Variants in CADM2 observed in about 807,000 individuals in gnomAD.
CADM2 encodes cell adhesion molecule 2.
A neutral mutation model predicts 49.8 loss-of-function variants in CADM2; 12 were observed. The ratio of observed to expected loss-of-function variants is 0.24; its 90% CI spans 0.15 to 0.39. The LOEUF (loss-of-function observed/expected upper bound fraction) is 0.39. Ranked by LOEUF, CADM2 falls within the 10% of genes least tolerant of loss-of-function variation. CADM2 has a pLI of 1.00. For synonymous variants in CADM2, 214 were observed against 175.4 expected (o/e 1.22, Z -1.74); for missense variants, 378 against 492.3 (o/e 0.77, Z 2.20).
intron 1 of CADM2, among the ~76,000 whole-genome samples, chr3:85,622,235 T>A (rs558314958): frequency 3.0e-4 from 46 of 152,284 alleles, no homozygotes; most frequent in Non-Finnish European, 5.6e-4. Flanking sequence ...TATAGCTTAA[T>A]ATGTCAGCAA....
At chr3:85,179,651 T>C (rs909705395) in intron 1 of CADM2, among the ~76,000 whole-genome samples, 1 of 152,118 alleles carries the variant, frequency 6.6e-6, no homozygotes, top group African/African-American at 2.4e-5. Context: ...TGAGGAAGTA[T>C]CTATTTCAAA....
intron 1 of CADM2, among the ~76,000 whole-genome samples, chr3:85,059,607 G>T (rs899479747): frequency 6.6e-6 from 1 of 152,102 alleles, no homozygotes; most frequent in Non-Finnish European, 1.5e-5. Context: ...GGAACCCGGT[G>T]GGAGGTGATT....
intron 1 of CADM2, among the ~76,000 whole-genome samples, chr3:85,532,619 G>T (rs1169386887): frequency 6.6e-6 from 1 of 152,034 alleles, no homozygotes; most frequent in Non-Finnish European, 1.5e-5. Flanking sequence ...TATTTCATTG[G>T]CTCTTCTAGC....
chr3:85,290,711 A>G (rs2043767222), intron 1 of CADM2, among the ~76,000 whole-genome samples: 1 of 152,116 alleles, frequency 6.6e-6, no homozygotes, highest in Non-Finnish European at 1.5e-5. Flanking sequence ...ACTCCAACAG[A>G]CCTGCAGCTG....
chr3:85,644,506 A>G (rs948501408), intron 1 of CADM2, among the ~76,000 whole-genome samples: 1 of 152,150 alleles, frequency 6.6e-6, no homozygotes, highest in East Asian at 1.9e-4. Context: ...ATGATAAAAG[A>G]GAAGAGAACT....
chr3:84,978,198 T>C (rs975447053), intron 1 of CADM2, among the ~76,000 whole-genome samples: 1 of 152,158 alleles, frequency 6.6e-6, no homozygotes, highest in African/African-American at 2.4e-5. Context: ...ATTTCTTTCT[T>C]GTTAACGTGT....
intron 1 of CADM2, among the ~76,000 whole-genome samples, chr3:85,382,920 C>A (rs761390008): frequency 2.6e-5 from 4 of 152,120 alleles, no homozygotes; most frequent in Non-Finnish European, 4.4e-5. Context: ...TAAATATGGC[C>A]TGAGAAAGCC....
intron 1 of CADM2, among the ~76,000 whole-genome samples, chr3:85,679,418 A>G (rs1452136904): frequency 6.6e-6 from 1 of 152,120 alleles, no homozygotes; most frequent in Non-Finnish European, 1.5e-5. Context: ...TGTCTTATGT[A>G]TATAAGTCTT....
At chr3:85,708,896 A>T (rs984422830) in intron 1 of CADM2, among the ~76,000 whole-genome samples, 8 of 151,660 alleles carry the variant, frequency 5.3e-5, no homozygotes, top group Non-Finnish European at 8.8e-5. Context: ...AGTTCAGATT[A>T]TGGGTTTGTT....
intron 1 of CADM2, among the ~76,000 whole-genome samples, chr3:85,033,812 G>T (rs2035091063): frequency 6.6e-6 from 1 of 152,160 alleles, no homozygotes; most frequent in Non-Finnish European, 1.5e-5. Context: ...TGGCCTAAGT[G>T]ATTAGGAATC....
At chr3:85,691,890 C>G (rs983526856) in intron 1 of CADM2, among the ~76,000 whole-genome samples, 3 of 152,056 alleles carry the variant, frequency 2.0e-5, no homozygotes, top group African/African-American at 7.2e-5. Flanking sequence ...AAACCAAACA[C>G]CGCATGTTCT....
At chr3:85,948,113 G>A (rs1722962343) in intron 7 of CADM2, among the ~76,000 whole-genome samples, 1 of 151,308 alleles carries the variant, frequency 6.6e-6, no homozygotes, top group Non-Finnish European at 1.5e-5. Flanking sequence ...ATTAATTTTT[G>A]AGATTACATT....
intron 2 of CADM2, among the ~76,000 whole-genome samples, chr3:85,741,358 T>C (rs1286575363): frequency 2.0e-5 from 3 of 152,054 alleles, no homozygotes; most frequent in Non-Finnish European, 2.9e-5. Context: ...CAATGACATG[T>C]TATTTAGTTG....
chr3:85,547,169 G>A (rs1342284053), intron 1 of CADM2, among the ~76,000 whole-genome samples: 1 of 151,804 alleles, frequency 6.6e-6, no homozygotes, highest in Non-Finnish European at 1.5e-5. Flanking sequence ...AATTTCATTT[G>A]AAAACTGCAT....
chr3:86,040,549 A>C (rs1431682630), intron 8 of CADM2, among the ~76,000 whole-genome samples: 4 of 152,170 alleles, frequency 2.6e-5, no homozygotes, highest in African/African-American at 9.7e-5. Flanking sequence ...AATAAAAGAA[A>C]CCAACAAAGC....
intron 1 of CADM2, among the ~76,000 whole-genome samples, chr3:85,042,215 G>T (rs777737119): frequency 2.0e-5 from 3 of 152,082 alleles, no homozygotes; most frequent in Non-Finnish European, 4.4e-5. Context: ...GAGAGTGAGC[G>T]CCCATTAATT....
At chr3:85,768,682 T>C (rs1577263021) in intron 2 of CADM2, among the ~76,000 whole-genome samples, 1 of 146,324 alleles carries the variant, frequency 6.8e-6, no homozygotes, top group South Asian at 2.1e-4. Context: ...AATATATATA[T>C]ACACATATAT....
chr3:85,156,675 G>T (rs1433193753), intron 1 of CADM2, among the ~76,000 whole-genome samples: 1 of 152,142 alleles, frequency 6.6e-6, no homozygotes, highest in Non-Finnish European at 1.5e-5. Context: ...AATAGGTATT[G>T]ATGGGACATA....
intron 3 of CADM2, among the ~76,000 whole-genome samples, chr3:85,852,182 A>G (rs2075134161): frequency 6.6e-6 from 1 of 152,064 alleles, no homozygotes; most frequent in African/African-American, 2.4e-5. Flanking sequence ...CTTTTTAAAT[A>G]TACCATCTAT....
Sources: allele counts gnomAD v4.1 joint callset (sites outside exome capture counted in the v4.1 genomes callset), GRCh38; gene constraint gnomAD v4.1.1; transcripts MANE v1.5; gene names NCBI Gene and HGNC (gene_info 2026-07-23, HGNC 2026-07-21).